GNA14: variants seen among roughly 807,000 people sequenced by gnomAD.
GNA14 encodes the protein G protein subunit alpha 14.
In GNA14, 50 loss-of-function variants were observed where a neutral mutation model predicts 42.0. The observed-to-expected ratio is 1.19, with a 90% CI of 0.95 to 1.51. The LOEUF (loss-of-function observed/expected upper bound fraction) is 1.51. GNA14 is among the 40% of genes most tolerant of loss of function. GNA14 has a pLI of 0.00. For missense variants in GNA14, 473 were observed against 446.2 expected (o/e 1.06, Z -0.54); for synonymous variants, 173 against 163.1 (o/e 1.06, Z -0.46).
intron 1 of GNA14, among the ~76,000 whole-genome samples, chr9:77,592,807 C>T (rs896681934): frequency 2.0e-5 from 3 of 152,142 alleles, no homozygotes; most frequent in African/African-American, 7.2e-5. Flanking sequence ...TGCTTTATTG[C>T]CCTTCCTGAA....
At chr9:77,434,885 C>T (rs1476353788) in intron 2 of GNA14, among the ~76,000 whole-genome samples, 1 of 152,122 alleles carries the variant, frequency 6.6e-6, no homozygotes, top group African/African-American at 2.4e-5. Context: ...ACATATGACT[C>T]ATTTGAGTAT....
chr9:77,575,721 T>G (rs1248497048), intron 1 of GNA14, among the ~76,000 whole-genome samples: 1 of 152,202 alleles, frequency 6.6e-6, no homozygotes, highest in Admixed American at 6.5e-5. Context: ...TCCTACAAAT[T>G]ACCATTTTCT....
intron 1 of GNA14, among the ~76,000 whole-genome samples, chr9:77,626,719 G>C (rs1006028565): frequency 6.6e-6 from 1 of 152,084 alleles, no homozygotes; most frequent in Non-Finnish European, 1.5e-5. Flanking sequence ...AGAATCTCTG[G>C]GATACAGCTA....
rs188621480 is a variant in GNA14, at chr9:77,615,626, T to C, written c.124+32044A>G. Among the ~76,000 whole-genome samples, 5 of 151,964 alleles carry C rather than the reference T, an allele frequency of 3.3e-5. No homozygotes were observed. The East Asian group carries it at 9.7e-4, about 29-fold the overall frequency. ...CCAAGACCAAAAGCTTTTTGTCTTTTCATCAACATGTTTATCATCATACAC... is the reference window on the plus strand; with the variant it reads ...CCAAGACCAAAAGCTTTTTGTCTTTCCATCAACATGTTTATCATCATACAC... On this transcript the variant is annotated intron_variant, in intron 1 of 6. Transcript: ENST00000341700.
intron 2 of GNA14, among the ~76,000 whole-genome samples, chr9:77,469,489 G>A (rs542655935): frequency 3.5e-4 from 52 of 148,842 alleles, no homozygotes; most frequent in African/African-American, 1.3e-3. Context: ...TTGCTTACAA[G>A]CACATATCAA....
chr9:77,519,212 A>G (rs138946865), intron 2 of GNA14, among the ~76,000 whole-genome samples: 222 of 152,292 alleles, frequency 1.5e-3, no homozygotes, highest in African/African-American at 5.2e-3. Flanking sequence ...GAAGTTCAAG[A>G]GCAGCCTGGC....
chr9:77,605,112 C>T (rs1823627919), intron 1 of GNA14, among the ~76,000 whole-genome samples: 1 of 152,170 alleles, frequency 6.6e-6, no homozygotes, highest in African/African-American at 2.4e-5. Flanking sequence ...CTAAATACCT[C>T]AACATGAACT....
In GNA14 at chr9:77,443,679, T is replaced by G. The variant is rs532869808; in HGVS notation, c.310-9157A>C. Among the ~76,000 whole-genome samples, 34 of 152,322 alleles carry G rather than the reference T, an allele frequency of 2.2e-4. No individual in the cohort carries two copies. The South Asian group carries it at 6.8e-3, about 31-fold the overall frequency. On this transcript the variant is annotated intron_variant, in intron 2 of 6. Transcript: ENST00000341700. ...CCAAGTTCGTTACTTTATCTTTTCT[T>G]ACCAGTCAAAACTTCAGTCGGGGCT...
intron 2 of GNA14, among the ~76,000 whole-genome samples, chr9:77,502,677 G>A (rs1836994615): frequency 6.6e-6 from 1 of 152,186 alleles, no homozygotes; most frequent in African/African-American, 2.4e-5. Context: ...AGGAGAGGGA[G>A]AGATCTCTTG....
At chr9:77,458,988 T>G (rs1836058432) in intron 2 of GNA14, among the ~76,000 whole-genome samples, 1 of 151,480 alleles carries the variant, frequency 6.6e-6, no homozygotes, top group Admixed American at 6.6e-5. Context: ...CAATAAGTCA[T>G]CGCCCTCCAT....
chr9:77,608,532 C>G (rs1239875586), intron 1 of GNA14, among the ~76,000 whole-genome samples: 1 of 152,158 alleles, frequency 6.6e-6, no homozygotes, highest in East Asian at 1.9e-4. Context: ...TCCTGGCCAG[C>G]AAAAACTAGA....
At chr9:77,542,812 G>A (rs1837676772) in intron 1 of GNA14, among the ~76,000 whole-genome samples, 1 of 152,226 alleles carries the variant, frequency 6.6e-6, no homozygotes. Context: ...GTTGGACTGT[G>A]TTCGCTGATC....
intron 2 of GNA14, among the ~76,000 whole-genome samples, chr9:77,459,533 C>T (rs1476979794): frequency 6.6e-6 from 1 of 152,114 alleles, no homozygotes. Context: ...CGGCCCCAGG[C>T]ACCGCCTCTT....
chr9:77,646,398 T>G (rs1045432602), intron 1 of GNA14, among the ~76,000 whole-genome samples: 3 of 152,034 alleles, frequency 2.0e-5, no homozygotes, highest in Admixed American at 6.6e-5. Flanking sequence ...GCAAGCCCCT[T>G]TGGACCTACA....
At chr9:77,546,436 C>T (rs1450354635) in intron 1 of GNA14, among the ~76,000 whole-genome samples, 1 of 152,082 alleles carries the variant, frequency 6.6e-6, no homozygotes, top group Non-Finnish European at 1.5e-5. Context: ...TTCATTATGA[C>T]ATCTCTCTCT....
chr9:77,546,652 G>A (rs1837723612), intron 1 of GNA14, among the ~76,000 whole-genome samples: 1 of 152,154 alleles, frequency 6.6e-6, no homozygotes, highest in Non-Finnish European at 1.5e-5. Flanking sequence ...CCATGACTAA[G>A]ACCAAAACAT....
At chr9:77,630,654 T>C (rs1450858699) in intron 1 of GNA14, among the ~76,000 whole-genome samples, 1 of 152,208 alleles carries the variant, frequency 6.6e-6, no homozygotes, top group Admixed American at 6.5e-5. Context: ...AATTTTTATA[T>C]GCAAAAAACT....
chr9:77,565,840 T>C (rs1432881893), intron 1 of GNA14, among the ~76,000 whole-genome samples: 1 of 152,178 alleles, frequency 6.6e-6, no homozygotes, highest in Non-Finnish European at 1.5e-5. Context: ...ATGAGTCTGC[T>C]CCAAATAATG....
In GNA14 at chr9:77,485,750, G is replaced by C. The variant is rs137980567; in HGVS notation, c.309+43319C>G. On this transcript the variant is annotated intron_variant, in intron 2 of 6. Coordinates refer to ENST00000341700, the MANE Select transcript of GNA14 (RefSeq NM_004297.4). ...TTGTACATCTCCATCAGAGCGCTTA[G>C]GTGACCAGGTGCATTGTCAATGAGT... Among the ~76,000 whole-genome samples the C allele has an allele frequency of 2.4e-3, 369 of 152,244 alleles. 2 individuals carry two copies. Among genetic ancestry groups the C allele is most frequent in the South Asian group, 0.012 (60 of 4,822 alleles).
Sources: allele counts gnomAD v4.1 joint callset (sites outside exome capture counted in the v4.1 genomes callset), GRCh38; gene constraint gnomAD v4.1.1; transcripts MANE v1.5; gene names NCBI Gene and HGNC (gene_info 2026-07-23, HGNC 2026-07-21).